Variants in LRRC19 observed in about 807,000 individuals in gnomAD.
LRRC19 encodes leucine-rich repeat-containing protein 19.
LRRC19 carries 33 observed loss-of-function variants against 33.3 expected under a neutral mutation model. The observed-to-expected ratio is 0.99, with a 90% CI of 0.75 to 1.33. The LOEUF (loss-of-function observed/expected upper bound fraction) is 1.33. Among genes scored for constraint, LRRC19 ranks in the 40% most tolerant of loss-of-function variants. The pLI is 0.00. For missense variants in LRRC19, 463 were observed against 417.3 expected (o/e 1.11, Z -0.95); for synonymous variants, 184 against 152.3 (o/e 1.21, Z -1.53).
chr9:26,996,425 C>A lies in LRRC19; in HGVS notation c.670G>T (p.Ala224Ser). 6.2e-7 allele frequency: 1 copy of A among 1,605,978 alleles called. No homozygotes were observed. The highest frequency in any genetic ancestry group is 1.1e-5 in the South Asian group (1 of 89,908). The change falls in exon 4 of 5, where the codon GCT becomes TCT. Residue 224 changes from alanine (A) to serine (S), a missense_variant. Coordinates refer to ENST00000380055, the MANE Select transcript of LRRC19 (RefSeq NM_022901.3). ...GAAGGAAATTTTGAGTGGCATTCAGCCTTATGAGGTACTGTTTTGATATTG... is the reference window on the plus strand; with the variant it reads ...GAAGGAAATTTTGAGTGGCATTCAGACTTATGAGGTACTGTTTTGATATTG... Reference protein sequence around the residue: ...SYNIKTVPHKAECHSKFPSSV... With the variant: ...SYNIKTVPHKSECHSKFPSSV...
At chr9:27,005,365 C>A (rs868326201) in intron 1 of LRRC19, among the ~76,000 whole-genome samples, 2 of 104,542 alleles carry the variant, frequency 1.9e-5, no homozygotes, top group South Asian at 4.7e-4. Flanking sequence ...CCCCCCGCCC[C>A]CCGCAAAACA....
At chr9:26,996,864 T>C (rs1004896085) in intron 3 of LRRC19, among the ~76,000 whole-genome samples, 1 of 152,182 alleles carries the variant, frequency 6.6e-6, no homozygotes, top group Non-Finnish European at 1.5e-5. Flanking sequence ...GTCTGACATA[T>C]TGACTTTGCT....
chr9:27,003,874 T>C (rs572294352), intron 1 of LRRC19, among the ~76,000 whole-genome samples: 1 of 152,282 alleles, frequency 6.6e-6, no homozygotes, highest in African/African-American at 2.4e-5. Flanking sequence ...TTACAAAAGG[T>C]AGTTTACCTA....
intron 2 of LRRC19, among the ~76,000 whole-genome samples, chr9:26,998,910 C>A (rs529111712): frequency 4.4e-4 from 67 of 152,208 alleles, no homozygotes; most frequent in African/African-American, 1.6e-3. Flanking sequence ...AGGATAATCG[C>A]TTCAACCCAG....
chr9:26,996,474 G>GC lies in LRRC19; in HGVS notation c.620dup (p.Ser207ArgfsTer17). 3 of 1,507,856 alleles carry GC rather than the reference G, an allele frequency of 2.0e-6. No homozygotes were observed. Among genetic ancestry groups the GC allele is most frequent in the Non-Finnish European group, 2.7e-6 (3 of 1,117,994 alleles). 93.4% of individuals were successfully genotyped at this position (1,507,856 alleles called of 1,614,324 possible). A position where few individuals can be genotyped will look rare whatever the true frequency, so the allele number is the denominator to read the frequency against. On this transcript the variant is annotated frameshift_variant, in exon 4 of 5. Transcript: ENST00000380055. LOFTEE classifies it high-confidence loss of function. ...TGTAGCTCTGCAGGCTGTTGGGGTAGCTACACATGGTGATGTTCTCATTTT... is the reference window on the plus strand; with the variant it reads ...TGTAGCTCTGCAGGCTGTTGGGGTAGCCTACACATGGTGATGTTCTCATTTT...
rs1828099373 is a variant in LRRC19, at chr9:26,995,518, AAATT to A, written c.1112_*2del. 1 of 1,513,722 alleles carries A rather than the reference AAATT, an allele frequency of 6.6e-7. No homozygotes were observed. The highest frequency in any genetic ancestry group is 1.4e-5 in the African/African-American group (1 of 71,786). 93.8% of individuals were successfully genotyped at this position (1,513,722 alleles called of 1,614,324 possible). A position where few individuals can be genotyped will look rare whatever the true frequency, so the allele number is the denominator to read the frequency against. On this transcript the variant is annotated stop_lost and 3_prime_UTR_variant, in exon 5 of 5. Coordinates refer to ENST00000380055, the MANE Select transcript of LRRC19 (RefSeq NM_022901.3). ...TGCTTTAAAAAGCAAACTTTGAAAG[AAATT>A]AATTTTCTTCACATAATTCATGGAT...
chr9:26,996,958 C>T (rs1014833995), intron 3 of LRRC19, among the ~76,000 whole-genome samples: 46 of 152,134 alleles, frequency 3.0e-4, no homozygotes, highest in African/African-American at 9.7e-4. Context: ...TGCCTGTAAT[C>T]CCAGCACTTT....
intron 1 of LRRC19, among the ~76,000 whole-genome samples, chr9:27,003,228 G>T (rs758147502): frequency 6.6e-6 from 1 of 151,618 alleles, no homozygotes; most frequent in Non-Finnish European, 1.5e-5. Flanking sequence ...TTTTTTAAGT[G>T]TAAGATCATG....
chr9:26,997,350 T>C (rs1286110850), intron 3 of LRRC19, among the ~76,000 whole-genome samples: 1 of 146,352 alleles, frequency 6.8e-6, no homozygotes, highest in African/African-American at 2.6e-5. Flanking sequence ...TTTTTTTTTT[T>C]TGAGACAGAG....
rs1419983911 is a variant in LRRC19 at position 26,997,959 on chromosome 9, T to C, written c.364A>G (p.Lys122Glu). 24 of 1,613,772 alleles carry C rather than the reference T, an allele frequency of 1.5e-5. No individual in the cohort carries two copies. Among genetic ancestry groups the C allele is most frequent in the Middle Eastern group, 1.6e-4 (1 of 6,084 alleles). ...IQQGAFLGLN[K>E]LKQLYLCQNK... ...TGGCAGAGATATAACTGTTTTAGTT[T>C]ATTTAAGCCTAAAAATGCACCCTGT... Residue 122 changes from lysine (K) to glutamate (E), a missense_variant, in exon 3 of 5, where the codon AAA (lysine) becomes GAA (glutamate). Lys to Glu is a moderately conservative substitution (Grantham distance 56). Transcript: ENST00000380055.
chr9:26,996,610 A>G, intron 3 of LRRC19, 111 bp from the exon 4 acceptor site: 1 of 664,132 alleles, frequency 1.5e-6, no homozygotes, highest in Non-Finnish European at 2.2e-6. Flanking sequence ...TAAAGGCATT[A>G]TAAGAAATTC....
At position 26,995,915 on chromosome 9, in the gene LRRC19, T is replaced by G. The variant is rs1246833182; in HGVS notation, c.785-66A>C. 8 of 1,120,754 alleles carry G rather than the reference T, an allele frequency of 7.1e-6. No homozygotes were observed. In the Admixed American group the frequency reaches 1.7e-4, roughly 24 times the overall value. The allele number at this position is 1,120,754 out of a possible 1,614,324, so 69.4% of individuals were successfully genotyped here. On this transcript the variant is annotated intron_variant, in intron 4 of 4. Coordinates refer to ENST00000380055, the MANE Select transcript of LRRC19 (RefSeq NM_022901.3). Reference sequence around the variant, plus strand: ...GTTAAGTTGGCAAAATAATCATAATTATATATCCTAATTCTCCTCAATATT... The same window carrying G: ...GTTAAGTTGGCAAAATAATCATAATGATATATCCTAATTCTCCTCAATATT...
chr9:27,004,872 T>G (rs1251962791), intron 1 of LRRC19, among the ~76,000 whole-genome samples: 3 of 152,174 alleles, frequency 2.0e-5, no homozygotes, highest in Non-Finnish European at 4.4e-5. Flanking sequence ...AGAGCTTTAC[T>G]CAAAGGAAAT....
At chr9:26,997,212 C>CA (rs59898737) in intron 3 of LRRC19, among the ~76,000 whole-genome samples, 223 of 138,886 alleles carry the variant, frequency 1.6e-3, no homozygotes, top group Admixed American at 2.5e-3. Flanking sequence ...AACTCTGTCT[C>CA]AAAAAAAAAA....
Position 27,003,928 on chromosome 9 carries a change from CTTGT to C in LRRC19, c.-10+1660_-10+1663del, listed in dbSNP as rs546099060. Among the ~76,000 whole-genome samples, 469 of 152,310 alleles carry C rather than the reference CTTGT, an allele frequency of 3.1e-3. 1 individual carries two copies. Among genetic ancestry groups the C allele is most frequent in the Non-Finnish European group, 5.2e-3 (351 of 68,020 alleles). On this transcript the variant is annotated intron_variant, in intron 1 of 4. Transcript: ENST00000380055. ...AATAGGTGTTCAGCTCCTTCAATGG[CTTGT>C]TTCAGTATTTCTCAATGATGTGGTG...
At chr9:26,997,493 C>G (rs1426891946) in intron 3 of LRRC19, among the ~76,000 whole-genome samples, 1 of 151,974 alleles carries the variant, frequency 6.6e-6, no homozygotes, top group Non-Finnish European at 1.5e-5. Context: ...GCCACCATAC[C>G]CAGCTAATTT....
intron 1 of LRRC19, among the ~76,000 whole-genome samples, chr9:27,003,091 T>C (rs1322348351): frequency 6.6e-6 from 1 of 152,222 alleles, no homozygotes; most frequent in African/African-American, 2.4e-5. Context: ...TTCAGATTCT[T>C]CACTGTTGGC....
Position 26,995,806 on chromosome 9 carries a change from A to G in LRRC19, c.828T>C (p.Val276=). The G allele has an allele frequency of 6.2e-7, 1 of 1,609,702 alleles. No individual in the cohort carries two copies. Among genetic ancestry groups the G allele is most frequent in the Admixed American group, 1.7e-5 (1 of 59,398 alleles). Residue 276 remains valine, a synonymous_variant, in exon 5 of 5, where the codon GTT becomes GTC. Coordinates refer to ENST00000380055, the MANE Select transcript of LRRC19 (RefSeq NM_022901.3). ...LGKSWAFLVG[V]VVTVLTTSLL... ...GTGAAGTCGTCAGTACAGTGACAAC[A>G]ACACCAACAAGAAAAGCCCAACTTT...
At chr9:26,998,570 A>G (rs143260123) in intron 2 of LRRC19, among the ~76,000 whole-genome samples, 1 of 152,368 alleles carries the variant, frequency 6.6e-6, no homozygotes, top group African/African-American at 2.4e-5. Flanking sequence ...GTAAATAATA[A>G]TTCTGTTAAC....
Sources: gnomAD v4.1 joint callset for allele counts (sites outside exome capture counted in the v4.1 genomes callset) on GRCh38, gnomAD v4.1.1 for gene constraint, MANE v1.5 for transcripts, NCBI Gene and HGNC (gene_info 2026-07-23, HGNC 2026-07-21) for gene names.